The following ANKRD6 variants were observed in gnomAD, a reference collection of about 807,000 sequenced individuals.
ANKRD6 encodes ankyrin repeat domain-containing protein 6.
Under a neutral mutation model 82.3 loss-of-function variants are expected in ANKRD6, and 56 were observed. The ratio of observed to expected loss-of-function variants is 0.68; its 90% CI spans 0.55 to 0.85. The LOEUF is 0.85. Among genes scored for constraint, ANKRD6 ranks in the 40% least tolerant of loss-of-function variants. ANKRD6 has a pLI of 0.00. For synonymous variants in ANKRD6, 347 were observed against 352.1 expected (o/e 0.99, Z 0.16); for missense variants, 852 against 907.6 (o/e 0.94, Z 0.79).
intron 2 of ANKRD6, among the ~76,000 whole-genome samples, chr6:89,574,082 A>G (rs1228256077): frequency 1.3e-5 from 2 of 152,220 alleles, no homozygotes; most frequent in African/African-American, 4.8e-5. Context: ...TTGACAGAGG[A>G]GAAAGGCACT....
chr6:89,547,203 G>A (rs1486513481), intron 1 of ANKRD6, among the ~76,000 whole-genome samples: 1 of 152,026 alleles, frequency 6.6e-6, no homozygotes, highest in Non-Finnish European at 1.5e-5. Context: ...TATTTGGGGG[G>A]GGGGTTACAT....
chr6:89,518,908 T>C (rs1781560238), intron 1 of ANKRD6, among the ~76,000 whole-genome samples: 3 of 152,222 alleles, frequency 2.0e-5, no homozygotes, highest in South Asian at 4.1e-4. Context: ...GATCAGTGTG[T>C]CTGCTGGTTT....
chr6:89,438,778 G>A (rs1252911049), intron 1 of ANKRD6, among the ~76,000 whole-genome samples: 1 of 152,096 alleles, frequency 6.6e-6, no homozygotes, highest in Non-Finnish European at 1.5e-5. Context: ...GAGTAGCTAG[G>A]ATTACAGGCA....
intron 7 of ANKRD6, among the ~76,000 whole-genome samples, chr6:89,614,116 C>T (rs1174414051): frequency 6.6e-6 from 1 of 152,182 alleles, no homozygotes; most frequent in Non-Finnish European, 1.5e-5. Context: ...TGCATATCAC[C>T]ACATTTGCAT....
chr6:89,540,762 A>C (rs1159376872), intron 1 of ANKRD6, among the ~76,000 whole-genome samples: 3 of 152,180 alleles, frequency 2.0e-5, no homozygotes, highest in African/African-American at 7.2e-5. Context: ...TGGTTGCGGT[A>C]TTAGATTTAA....
Position 89,623,981 on chromosome 6 carries a change from C to A in ANKRD6, c.1142C>A (p.Ser381Tyr), listed in dbSNP as rs745465470. The A allele has an allele frequency of 4.6e-6, 7 of 1,528,412 alleles. No individual in the cohort carries two copies. In the Admixed American group the frequency reaches 1.2e-4, roughly 26 times the overall value. 94.7% of individuals were successfully genotyped at this position (1,528,412 alleles called of 1,614,324 possible). A position where few individuals can be genotyped will look rare whatever the true frequency, so the allele number is the denominator to read the frequency against. ...AAGAGGAACAGGCATCGGTGTTCATCCCCACCCCCACCCCATGAGTTCAGG... is the reference window on the plus strand; with the variant it reads ...AAGAGGAACAGGCATCGGTGTTCATACCCACCCCCACCCCATGAGTTCAGG... ...PKKRNRHRCS[S>Y]PPPPHEFRAY... is the part of the protein sequence containing the mutation. The change falls in exon 12 of 16, where the codon TCC (serine) becomes TAC (tyrosine). Residue 381 changes from serine to tyrosine, a missense_variant. Coordinates refer to ENST00000339746, the MANE Select transcript of ANKRD6 (RefSeq NM_001242809.2).
intron 12 of ANKRD6, 106 bp from the exon 13 acceptor site, chr6:89,624,433 C>T: frequency 7.3e-7 from 1 of 1,363,690 alleles, no homozygotes. Context: ...CTATCTCTTC[C>T]ATCATCTCTA....
chr6:89,598,758 A>G (rs1403447335), intron 3 of ANKRD6, among the ~76,000 whole-genome samples: 1 of 152,220 alleles, frequency 6.6e-6, no homozygotes, highest in Non-Finnish European at 1.5e-5. Flanking sequence ...GCAAGGTTGC[A>G]GGCCCTTCAG....
intron 1 of ANKRD6, among the ~76,000 whole-genome samples, chr6:89,559,847 G>A (rs1476015909): frequency 1.3e-5 from 2 of 152,154 alleles, no homozygotes; most frequent in South Asian, 2.1e-4. Flanking sequence ...ATCTTTTGGA[G>A]GGTCTGGAGC....
chr6:89,618,153 T>C, intron 9 of ANKRD6, 122 bp downstream of exon 9: 1 of 1,138,506 alleles, frequency 8.8e-7, no homozygotes, highest in Admixed American at 1.7e-5. Flanking sequence ...AACCAGGCAG[T>C]GGAGGTATAG....
At chr6:89,474,853 C>T (rs181666242) in intron 1 of ANKRD6, among the ~76,000 whole-genome samples, 1 of 152,330 alleles carries the variant, frequency 6.6e-6, no homozygotes, top group Non-Finnish European at 1.5e-5. Context: ...TGTGGGAAGC[C>T]TGACAAACCT....
rs182036008 is a variant in ANKRD6 at position 89,620,389 on chromosome 6, C to T, written c.793-1533C>T. Among the ~76,000 whole-genome samples, 105 of 152,272 alleles carry T rather than the reference C, an allele frequency of 6.9e-4. 1 individual carries two copies. The highest frequency in any genetic ancestry group is 6.1e-3 in the Admixed American group (93 of 15,300). On this transcript the variant is annotated intron_variant, in intron 9 of 15. Transcript: ENST00000339746. ...CATTTTGATTGGTGTGGTTCACGAA[C>T]GCTCTGAAAGTACATTTTAGGCTGA...
chr6:89,539,961 T>C (rs746632423), intron 1 of ANKRD6, among the ~76,000 whole-genome samples: 22 of 152,332 alleles, frequency 1.4e-4, no homozygotes, highest in Non-Finnish European at 2.9e-4. Context: ...GTTCCATTCA[T>C]GTTGTTGCTA....
chr6:89,494,391 T>C (rs1307217719), intron 1 of ANKRD6, among the ~76,000 whole-genome samples: 1 of 152,186 alleles, frequency 6.6e-6, no homozygotes, highest in Non-Finnish European at 1.5e-5. Context: ...CTTAGCAGGA[T>C]TCTTGCTAAC....
chr6:89,434,153 A>G (rs999513502), intron 1 of ANKRD6, among the ~76,000 whole-genome samples: 1 of 152,136 alleles, frequency 6.6e-6, no homozygotes, highest in Non-Finnish European at 1.5e-5. Flanking sequence ...TGACTCCACC[A>G]CTTGTTAGGT....
intron 2 of ANKRD6, among the ~76,000 whole-genome samples, chr6:89,590,265 G>A (rs1163969576): frequency 3.9e-5 from 6 of 152,196 alleles, no homozygotes; most frequent in African/African-American, 1.4e-4. Flanking sequence ...TGCTGGAGCA[G>A]GCCTGAAGTG....
In ANKRD6 at chr6:89,613,805, G is replaced by A; in HGVS notation, c.530G>A (p.Cys177Tyr). ...TTTTGTCCGCAGGCAGGAGACACCTGTTTGCACGTTGCTGCGCGCTATAAT... is the reference window on the plus strand; with the variant it reads ...TTTTGTCCGCAGGCAGGAGACACCTATTTGCACGTTGCTGCGCGCTATAAT... ...ADLKNNAGDT[C>Y]LHVAARYNHL... The change falls in exon 7 of 16, where the codon TGT (cysteine) becomes TAT (tyrosine). Residue 177 changes from cysteine (C) to tyrosine (Y), a missense_variant. Cys to Tyr is a radical substitution (Grantham distance 194). Transcript: ENST00000339746. 6.2e-7 allele frequency: 1 copy of A among 1,614,026 alleles called. No homozygotes were observed. Among genetic ancestry groups the A allele is most frequent in the East Asian group, 2.2e-5 (1 of 44,884 alleles).
At chr6:89,534,393 T>C (rs865986931) in intron 1 of ANKRD6, among the ~76,000 whole-genome samples, 17 of 152,166 alleles carry the variant, frequency 1.1e-4, no homozygotes, top group African/African-American at 3.6e-4. Context: ...ACCCATCTTA[T>C]GAAAAAGTTA....
chr6:89,482,571 C>T (rs1485914898), intron 1 of ANKRD6, among the ~76,000 whole-genome samples: 1 of 151,788 alleles, frequency 6.6e-6, no homozygotes, highest in African/African-American at 2.4e-5. Context: ...GCACCCACTA[C>T]GTAGGCTACC....
Sources: gnomAD v4.1 joint callset for allele counts (sites outside exome capture counted in the v4.1 genomes callset) on GRCh38, gnomAD v4.1.1 for gene constraint, MANE v1.5 for transcripts, NCBI Gene and HGNC (gene_info 2026-07-23, HGNC 2026-07-21) for gene names.